Variants in TOP6BL observed in about 807,000 individuals in gnomAD.
TOP6BL encodes the protein type 2 DNA topoisomerase 6 subunit B-like.
At chr11:66,797,137 T>C in the TOP6BL span, among the ~76,000 whole-genome samples, 18 of 151,886 alleles carry the variant, frequency 1.2e-4, no homozygotes, top group Non-Finnish European at 2.1e-4. Context: ...GTAGCTGGGA[T>C]TACAGGTGTG....
chr11:66,746,754 C>T, the TOP6BL span, among the ~76,000 whole-genome samples: 7 of 151,574 alleles, frequency 4.6e-5, no homozygotes, highest in Non-Finnish European at 8.8e-5. Flanking sequence ...CAGGCGGCTG[C>T]ACTTCCAGCT....
At chr11:66,752,420 G>GT in the TOP6BL span, among the ~76,000 whole-genome samples, 1 of 151,928 alleles carries the variant, frequency 6.6e-6, no homozygotes, top group Non-Finnish European at 1.5e-5. Flanking sequence ...TATGTGACCT[G>GT]TTTTTTCTTT....
the TOP6BL span, chr11:66,800,896 A>G: frequency 2.8e-6 from 3 of 1,056,470 alleles, no homozygotes; most frequent in Admixed American, 4.4e-5. Flanking sequence ...AAAGATTGCC[A>G]TTTTCCCCTT....
At chr11:66,796,480 G>A in the TOP6BL span, 13 of 796,110 alleles carry the variant, frequency 1.6e-5, no homozygotes, top group Non-Finnish European at 2.5e-5. Flanking sequence ...CAATGAAGAT[G>A]ATTAAAACGT....
the TOP6BL span, among the ~76,000 whole-genome samples, chr11:66,837,074 C>G: frequency 6.6e-6 from 1 of 152,054 alleles, no homozygotes; most frequent in African/African-American, 2.4e-5. Context: ...AATGTCTTCT[C>G]CCATTCTTGT....
At chr11:66,822,779 G>A in the TOP6BL span, 1 of 738,822 alleles carries the variant, frequency 1.4e-6, no homozygotes, top group Non-Finnish European at 2.3e-6. Context: ...CAAGGTAGGA[G>A]GATTGCTTGA....
chr11:66,761,772 C>T, the TOP6BL span: 1 of 793,612 alleles, frequency 1.3e-6, no homozygotes, highest in Admixed American at 1.7e-5. Flanking sequence ...TCCTTCCATT[C>T]AAACTCGCTG....
chr11:66,807,953 T>C, the TOP6BL span, among the ~76,000 whole-genome samples: 1 of 152,162 alleles, frequency 6.6e-6, no homozygotes, highest in Admixed American at 6.5e-5. Flanking sequence ...GGCCAGAAAA[T>C]CTTGAACTTT....
At chr11:66,777,511 A>G in the TOP6BL span, among the ~76,000 whole-genome samples, 4 of 152,354 alleles carry the variant, frequency 2.6e-5, no homozygotes, top group South Asian at 4.1e-4. Flanking sequence ...GCTCTTTACT[A>G]TATTGAAAAT....
At chr11:66,808,047 C>A in the TOP6BL span, among the ~76,000 whole-genome samples, 1 of 152,236 alleles carries the variant, frequency 6.6e-6, no homozygotes, top group Non-Finnish European at 1.5e-5. Context: ...AAAATAACTG[C>A]ATCCTGTGCT....
At chr11:66,817,934 A>C in the TOP6BL span, among the ~76,000 whole-genome samples, 1 of 152,170 alleles carries the variant, frequency 6.6e-6, no homozygotes, top group Non-Finnish European at 1.5e-5. Flanking sequence ...AAACCCTGGG[A>C]CATAAATTTA....
At chr11:66,808,408 G>T in the TOP6BL span, among the ~76,000 whole-genome samples, 1 of 151,980 alleles carries the variant, frequency 6.6e-6, no homozygotes, top group South Asian at 2.1e-4. Flanking sequence ...CATGCCTGTG[G>T]TGCCACCTAC....
the TOP6BL span, chr11:66,816,033 TGTAATATCTTGTCCTCTA>T: frequency 1.3e-6 from 2 of 1,571,268 alleles, no homozygotes; most frequent in Non-Finnish European, 1.7e-6. Flanking sequence ...TAGAAATTCG[TGTAATATCTTGTCCTCTA>T]GATTTGGTGC....
the TOP6BL span, among the ~76,000 whole-genome samples, chr11:66,824,904 C>T: frequency 2.6e-5 from 4 of 152,002 alleles, no homozygotes; most frequent in Non-Finnish European, 5.9e-5. Flanking sequence ...CCGCAATAAA[C>T]ATATGTGTGC....
the TOP6BL span, among the ~76,000 whole-genome samples, chr11:66,795,268 T>C: frequency 6.6e-6 from 1 of 152,074 alleles, no homozygotes; most frequent in African/African-American, 2.4e-5. Context: ...ATATCTATTA[T>C]TGTTACCATG....
the TOP6BL span, among the ~76,000 whole-genome samples, chr11:66,805,071 A>C: frequency 6.6e-6 from 1 of 152,082 alleles, no homozygotes; most frequent in Non-Finnish European, 1.5e-5. Flanking sequence ...CCGTCTCAAA[A>C]AAATAAATTA....
At chr11:66,781,569 C>T in the TOP6BL span, among the ~76,000 whole-genome samples, 26 of 152,120 alleles carry the variant, frequency 1.7e-4, no homozygotes, top group African/African-American at 5.6e-4. Flanking sequence ...CAGGGTCTCA[C>T]TCTGTCACCA....
the TOP6BL span, among the ~76,000 whole-genome samples, chr11:66,792,219 T>C: frequency 7.9e-5 from 12 of 152,196 alleles, no homozygotes; most frequent in African/African-American, 2.9e-4. Context: ...TTAGTCACTT[T>C]ATCCTAACTC....
the TOP6BL span, chr11:66,813,938 A>G: frequency 1.0e-4 from 164 of 1,613,752 alleles, 1 homozygote; most frequent in South Asian, 1.7e-3. Context: ...ACTTTCTTCA[A>G]AGATACCTCT....
Sources: gnomAD v4.1 joint callset for allele counts (sites outside exome capture counted in the v4.1 genomes callset) on GRCh38, gnomAD v4.1.1 for gene constraint, MANE v1.5 for transcripts, NCBI Gene and HGNC (gene_info 2026-07-23, HGNC 2026-07-21) for gene names.